The following CTSH variants were observed in gnomAD, a reference collection of about 807,000 sequenced individuals.
CTSH encodes cathepsin H.
In CTSH, 52 loss-of-function variants were observed where a neutral mutation model predicts 56.3. The ratio of observed to expected loss-of-function variants is 0.92; its 90% CI spans 0.74 to 1.16. The LOEUF is 1.16. Among genes scored for constraint, CTSH ranks in the 50% most tolerant of loss-of-function variants. The pLI is 0.00. For synonymous variants in CTSH, 174 were observed against 155.7 expected, an observed-to-expected ratio of 1.12 and a Z score of -0.88; for missense variants, 406 against 424.5, an observed-to-expected ratio of 0.96 and a Z score of 0.38.
intron 5 of CTSH, chr15:78,933,478 C>A (rs1196866366): frequency 2.3e-6 from 1 of 440,892 alleles, no homozygotes; most frequent in South Asian, 1.6e-5. Flanking sequence ...TCTCTTAAGT[C>A]CCCTACCTGC....
At chr15:78,944,718 C>G in intron 1 of CTSH, 173 bp downstream of exon 1, 1 of 1,248,426 alleles carries the variant, frequency 8.0e-7, no homozygotes, top group Non-Finnish European at 1.0e-6. Context: ...TCCGAGAACC[C>G]CCGCCTATAA....
chr15:78,935,631 A>G (rs1456412523), intron 4 of CTSH, 49 bp downstream of exon 4: 1 of 1,508,766 alleles, frequency 6.6e-7, no homozygotes. Context: ...ATTTATTCCA[A>G]AGGTTTCAGT....
At chr15:78,927,066 G>A (rs1036834986) in intron 9 of CTSH, 1 of 152,614 alleles carries the variant, frequency 6.6e-6, no homozygotes, top group Non-Finnish European at 1.5e-5. Flanking sequence ...CTGCAGTCAC[G>A]AAGGCGTTCA....
At chr15:78,922,414 T>C (rs1461667827) in intron 11 of CTSH, among the ~76,000 whole-genome samples, 2 of 152,162 alleles carry the variant, frequency 1.3e-5, no homozygotes, top group African/African-American at 2.4e-5. Flanking sequence ...AGCTGCCAAA[T>C]GAATGATCCA....
intron 9 of CTSH, chr15:78,927,401 G>A (rs183422949): frequency 2.4e-6 from 1 of 412,426 alleles, no homozygotes; most frequent in Non-Finnish European, 4.5e-6. Flanking sequence ...TGTCAAGCAC[G>A]TGCTCATACC....
At position 78,922,106 on chromosome 15, in the gene CTSH, A is replaced by G; in HGVS notation, c.*24T>C. 6.4e-7 allele frequency: 1 copy of G among 1,551,748 alleles called. No homozygotes were observed. The highest frequency in any genetic ancestry group is 8.7e-7 in the Non-Finnish European group (1 of 1,147,818). Reference sequence around the variant, plus strand: ...CTGCCCGTTCCTCTCCTTCTCCGCCAGTCTGCGCTGCGGCTGCCACGGCTC... The same window carrying G: ...CTGCCCGTTCCTCTCCTTCTCCGCCGGTCTGCGCTGCGGCTGCCACGGCTC... On this transcript the variant is annotated 3_prime_UTR_variant, in exon 12 of 12. Coordinates refer to ENST00000220166, the MANE Select transcript of CTSH (RefSeq NM_004390.5).
At chr15:78,944,677 C>A in intron 1 of CTSH, 1 of 892,840 alleles carries the variant, frequency 1.1e-6, no homozygotes, top group Non-Finnish European at 1.6e-6. Flanking sequence ...CTCAGCCCAT[C>A]TGCTCCTCTG....
chr15:78,922,195 T>G lies in CTSH; in HGVS notation c.943A>C (p.Ile315Leu), dbSNP rs202044996. Reference protein sequence around the residue: ...PQWGMNGYFLIERGKNMCGLA... With the variant: ...PQWGMNGYFLLERGKNMCGLA... The stretch of plus-strand genomic sequence containing the variant: ...CCACACATGTTCTTTCCGCGCTCGA[T>G]GAGGAAGTACCTGGGCAGAAAGAGG... Residue 315 changes from isoleucine (I) to leucine (L), a missense_variant, in exon 12 of 12, where the codon ATC (isoleucine) becomes CTC (leucine). Coordinates refer to ENST00000220166, the MANE Select transcript of CTSH (RefSeq NM_004390.5). 8.3e-5 allele frequency: 131 copies of G among 1,578,416 alleles called. No homozygotes were observed. Among genetic ancestry groups the G allele is most frequent in the Non-Finnish European group, 8.6e-6 (10 of 1,162,676 alleles).
chr15:78,942,578 C>G (rs2055318784), intron 1 of CTSH, among the ~76,000 whole-genome samples: 1 of 152,214 alleles, frequency 6.6e-6, no homozygotes. Flanking sequence ...CTCTTCAATT[C>G]AGTTTCCTTG....
rs973330097 is a variant in CTSH, at chr15:78,921,633, T to A, written c.*497A>T. ...CCTGCTCTTCATCCTGGATACCCCA[T>A]CTGGTGGATAATACCGCCAGCACCC... On this transcript the variant is annotated 3_prime_UTR_variant, in exon 12 of 12. Coordinates refer to ENST00000220166, the MANE Select transcript of CTSH (RefSeq NM_004390.5). 6.5e-6 allele frequency: 1 copy of A among 153,428 alleles called. No homozygotes were observed. The allele number at this position is 153,428 out of a possible 1,614,324, so 9.5% of individuals were successfully genotyped here.
intron 10 of CTSH, among the ~76,000 whole-genome samples, chr15:78,925,064 C>T (rs573956227): frequency 1.1e-4 from 17 of 152,290 alleles, no homozygotes; most frequent in African/African-American, 3.8e-4. Flanking sequence ...CAAATTTTGG[C>T]CCTAGCTCTC....
At chr15:78,929,645 C>T in intron 7 of CTSH, 152 bp from the exon 8 acceptor site, 1 of 578,270 alleles carries the variant, frequency 1.7e-6, no homozygotes, top group Non-Finnish European at 3.1e-6. Context: ...GAGGCCCAGC[C>T]TTGGGATAAG....
intron 5 of CTSH, among the ~76,000 whole-genome samples, chr15:78,934,265 G>C (rs1421675842): frequency 6.6e-6 from 1 of 152,258 alleles, no homozygotes; most frequent in African/African-American, 2.4e-5. Flanking sequence ...TCGATGGAAA[G>C]CCAGGAGTTT....
intron 7 of CTSH, among the ~76,000 whole-genome samples, chr15:78,930,506 A>G (rs535666161): frequency 6.6e-6 from 1 of 152,124 alleles, no homozygotes; most frequent in Admixed American, 6.5e-5. Context: ...CAGCCTGGGC[A>G]ACAGAGCGAG....
intron 5 of CTSH, chr15:78,933,376 C>A (rs1195112683): frequency 3.3e-6 from 1 of 301,620 alleles, no homozygotes; most frequent in Admixed American, 3.6e-5. Flanking sequence ...CCCGTGGGCA[C>A]AATGCTGGTG....
chr15:78,924,391 T>G (rs896987204), intron 10 of CTSH, among the ~76,000 whole-genome samples: 5 of 151,158 alleles, frequency 3.3e-5, no homozygotes, highest in Admixed American at 3.3e-4. Flanking sequence ...GAACAGTGTG[T>G]GGGGGGTTAG....
At chr15:78,929,656 A>G (rs539271843) in intron 7 of CTSH, among the ~76,000 whole-genome samples, 163 bp from the exon 8 acceptor site, 1 of 152,106 alleles carries the variant, frequency 6.6e-6, no homozygotes, top group East Asian at 1.9e-4. Context: ...TTGGGATAAG[A>G]CTCAGCAAAC....
intron 10 of CTSH, among the ~76,000 whole-genome samples, chr15:78,924,659 C>T (rs2054861816): frequency 6.6e-6 from 1 of 151,546 alleles, no homozygotes; most frequent in Admixed American, 6.6e-5. Context: ...ACTCTTCTCC[C>T]TATTTTACGT....
At chr15:78,931,975 G>T in intron 6 of CTSH, 1 of 1,148,192 alleles carries the variant, frequency 8.7e-7, no homozygotes, top group Non-Finnish European at 1.1e-6. Flanking sequence ...GGCATCATCC[G>T]TCTCTTGTGG....
Sources: gnomAD v4.1 joint callset for allele counts (sites outside exome capture counted in the v4.1 genomes callset) on GRCh38, gnomAD v4.1.1 for gene constraint, MANE v1.5 for transcripts, NCBI Gene and HGNC (gene_info 2026-07-23, HGNC 2026-07-21) for gene names.